The following SRBD1 variants were observed in gnomAD, a reference collection of about 807,000 sequenced individuals.
The protein encoded by SRBD1 is S1 RNA-binding domain-containing protein 1.
In SRBD1, 88 loss-of-function variants were observed where a neutral mutation model predicts 115.3. That is an observed-to-expected ratio of 0.76 (90% CI 0.64 to 0.91). SRBD1 has a LOEUF of 0.91. Among genes scored for constraint, SRBD1 ranks in the 40% least tolerant of loss-of-function variants. The pLI, the probability that SRBD1 is intolerant of heterozygous loss-of-function variation, is 0.00. For missense variants in SRBD1, 1,385 were observed against 1,177.4 expected (o/e 1.18, Z -2.58); for synonymous variants, 509 against 407.7 (o/e 1.25, Z -2.99).
chr2:45,427,444 A>G (rs958820847), intron 16 of SRBD1, among the ~76,000 whole-genome samples: 1 of 152,116 alleles, frequency 6.6e-6, no homozygotes, highest in South Asian at 2.1e-4. Context: ...TATCAAGCAA[A>G]TGGAAAGGAA....
chr2:45,601,129 T>C (rs895355595), intron 3 of SRBD1, among the ~76,000 whole-genome samples: 1 of 152,244 alleles, frequency 6.6e-6, no homozygotes, highest in Non-Finnish European at 1.5e-5. Flanking sequence ...TCAGCCACTG[T>C]CTTAGCTTCA....
intron 17 of SRBD1, 135 bp from the exon 18 acceptor site, chr2:45,418,676 TAAAAAAAAAAAC>T (rs1480067938): frequency 2.6e-6 from 1 of 390,158 alleles, no homozygotes; most frequent in Non-Finnish European, 3.7e-6. Flanking sequence ...AAAGGGAGTT[TAAAAAAAAAAAC>T]AAAAAAAAAA....
intron 14 of SRBD1, among the ~76,000 whole-genome samples, chr2:45,533,214 C>G (rs3770287): frequency 0.11 from 16,606 of 151,918 alleles, 1,086 homozygotes; most frequent in East Asian, 0.2. Context: ...CTAATTTACC[C>G]TAGAAACTAT....
chr2:45,431,751 A>G (rs1316944674), intron 16 of SRBD1, among the ~76,000 whole-genome samples: 1 of 152,168 alleles, frequency 6.6e-6, no homozygotes, highest in East Asian at 1.9e-4. Flanking sequence ...TGTGCTGTAC[A>G]TGTATCCCAG....
At chr2:45,578,304 T>A (rs936011979) in intron 7 of SRBD1, among the ~76,000 whole-genome samples, 41 of 152,228 alleles carry the variant, frequency 2.7e-4, no homozygotes, top group African/African-American at 9.9e-4. Context: ...GCTATAGTCT[T>A]AGCTATTATT....
At chr2:45,460,608 G>C (rs1170934523) in intron 16 of SRBD1, among the ~76,000 whole-genome samples, 1 of 152,150 alleles carries the variant, frequency 6.6e-6, no homozygotes, top group Non-Finnish European at 1.5e-5. Flanking sequence ...GCATTTAGAA[G>C]AGAGAAAGGA....
chr2:45,416,001 T>C (rs960884896), intron 18 of SRBD1, among the ~76,000 whole-genome samples: 5 of 151,530 alleles, frequency 3.3e-5, no homozygotes, highest in African/African-American at 9.7e-5. Context: ...AACTTTGAAA[T>C]CACTAAGGAG....
At chr2:45,554,192 G>C (rs994706341) in intron 10 of SRBD1, among the ~76,000 whole-genome samples, 1 of 152,180 alleles carries the variant, frequency 6.6e-6, no homozygotes. Context: ...AGAGATAACA[G>C]AGGGCTTGCT....
intron 14 of SRBD1, among the ~76,000 whole-genome samples, chr2:45,532,307 G>T (rs1166347430): frequency 6.6e-6 from 1 of 151,712 alleles, no homozygotes; most frequent in Non-Finnish European, 1.5e-5. Context: ...TAAATACCAG[G>T]GAATTCCTAT....
At chr2:45,543,501 T>G (rs1672013461) in intron 14 of SRBD1, among the ~76,000 whole-genome samples, 2 of 152,098 alleles carry the variant, frequency 1.3e-5, no homozygotes, top group African/African-American at 4.8e-5. Context: ...TCAGGATGAG[T>G]GGCTGACAAG....
chr2:45,571,674 A>G (rs139753320), intron 9 of SRBD1, among the ~76,000 whole-genome samples: 2 of 152,146 alleles, frequency 1.3e-5, no homozygotes, highest in African/African-American at 4.8e-5. Flanking sequence ...TTTCAACCAT[A>G]TAGAAAAGTA....
intron 16 of SRBD1, among the ~76,000 whole-genome samples, chr2:45,463,240 A>T (rs1438274721): frequency 6.6e-6 from 1 of 152,206 alleles, no homozygotes; most frequent in Non-Finnish European, 1.5e-5. Flanking sequence ...ATCACTTTGC[A>T]GGCAGGGTTT....
At chr2:45,429,383 C>T (rs1668261975) in intron 16 of SRBD1, among the ~76,000 whole-genome samples, 2 of 151,896 alleles carry the variant, frequency 1.3e-5, no homozygotes, top group Non-Finnish European at 2.9e-5. Context: ...AACATCGATG[C>T]AAAAATCCTG....
rs542287481 is a variant in SRBD1 at position 45,547,196 on chromosome 2, T to C, written c.1766+326A>G. The stretch of plus-strand genomic sequence containing the variant: ...ATTAAATTATATAATATATTGTCAA[T>C]TTCTGAAACTTCTAACTATAACCAC... On this transcript the variant is annotated intron_variant, in intron 13 of 20. Coordinates refer to ENST00000263736, the MANE Select transcript of SRBD1 (RefSeq NM_018079.5). Among the ~76,000 whole-genome samples the C allele has an allele frequency of 5.9e-5, 9 of 152,306 alleles. No homozygotes were observed. In the East Asian group the frequency reaches 1.5e-3, roughly 26 times the overall value.
rs1673127915 is a variant in SRBD1 at position 45,574,810 on chromosome 2, C to G, written c.1073-87G>C. 8 of 1,167,794 alleles carry G rather than the reference C, an allele frequency of 6.9e-6. 1 individual carries two copies. In the South Asian group the frequency reaches 1.0e-4, roughly 15 times the overall value. 72.3% of individuals were successfully genotyped at this position (1,167,794 alleles called of 1,614,324 possible). A position where few individuals can be genotyped will look rare whatever the true frequency, so the allele number is the denominator to read the frequency against. ...ATAACTAAATCACAGTAAATTAATT[C>G]CAGTCAAAATAAAACCTTAAGTTGA... On this transcript the variant is annotated intron_variant, in intron 7 of 20. Coordinates refer to ENST00000263736, the MANE Select transcript of SRBD1 (RefSeq NM_018079.5).
At position 45,553,724 on chromosome 2, in the gene SRBD1, T is replaced by A. The variant is rs756644842; in HGVS notation, c.1416A>T (p.Arg472Ser). ...FCRWCIQNRW[R>S]PRSFARPELM... ...ACTCTGGCCTTGCAAAGCTACGTGG[T>A]CTCCACCTGCAAAACAGAAAAGCCC... is the stretch of plus-strand genomic sequence containing the variant. The change falls in exon 11 of 21, where the codon AGA becomes AGT. Residue 472 changes from arginine (R) to serine (S), a missense_variant. By Grantham distance (110) the Arg-to-Ser change is moderately radical (BLOSUM62 -1). Coordinates refer to ENST00000263736, the MANE Select transcript of SRBD1 (RefSeq NM_018079.5). The A allele has an allele frequency of 3.8e-6, 6 of 1,574,022 alleles. No homozygotes were observed. Among genetic ancestry groups the A allele is most frequent in the Non-Finnish European group, 5.2e-6 (6 of 1,162,822 alleles).
chr2:45,515,561 G>A (rs918613640), intron 14 of SRBD1, among the ~76,000 whole-genome samples: 8 of 152,108 alleles, frequency 5.3e-5, no homozygotes, highest in Admixed American at 1.3e-4. Flanking sequence ...GCAGAGCTGA[G>A]GTTCAAATCC....
At chr2:45,409,515 C>CAAAAAAAAAAAAAA (rs59849294) in intron 19 of SRBD1, among the ~76,000 whole-genome samples, 2 of 117,908 alleles carry the variant, frequency 1.7e-5, no homozygotes, top group Non-Finnish European at 1.8e-5. Flanking sequence ...TTGCAATAGG[C>CAAAAAAAAAAAAAA]AAAAAAAAAA....
intron 12 of SRBD1, among the ~76,000 whole-genome samples, chr2:45,550,385 A>G (rs1672258188): frequency 6.6e-6 from 1 of 152,080 alleles, no homozygotes; most frequent in Non-Finnish European, 1.5e-5. Context: ...AAACTGAGAA[A>G]CACAAAGAGA....
Sources: gnomAD v4.1 joint callset for allele counts (sites outside exome capture counted in the v4.1 genomes callset) on GRCh38, gnomAD v4.1.1 for gene constraint, MANE v1.5 for transcripts, NCBI Gene and HGNC (gene_info 2026-07-23, HGNC 2026-07-21) for gene names.